The following COL11A1 variants were observed in gnomAD, a reference collection of about 807,000 sequenced individuals.
COL11A1 encodes the protein collagen type XI alpha 1 chain.
In COL11A1, 74 loss-of-function variants were observed where a neutral mutation model predicts 265.2. The ratio of observed to expected loss-of-function variants is 0.28; its 90% CI spans 0.23 to 0.34. The LOEUF is 0.34. Among genes scored for constraint, COL11A1 ranks in the 10% least tolerant of loss-of-function variants. The probability of loss-of-function intolerance (pLI) is 1.00; values close to 1 mark genes in which losing one functional copy is unlikely to be tolerated. For synonymous variants in COL11A1, 816 were observed against 727.6 expected (o/e 1.12, Z -1.96); for missense variants, 2,165 against 2,263.6 (o/e 0.96, Z 0.88).
At chr1:103,033,537 T>G (rs542390713) in intron 4 of COL11A1, among the ~76,000 whole-genome samples, 1 of 152,124 alleles carries the variant, frequency 6.6e-6, no homozygotes, top group Non-Finnish European at 1.5e-5. Context: ...GTAGCTATTA[T>G]TGTTGTATAA....
intron 4 of COL11A1, among the ~76,000 whole-genome samples, chr1:103,050,108 G>T (rs1233862049): frequency 6.6e-6 from 1 of 152,088 alleles, no homozygotes; most frequent in Non-Finnish European, 1.5e-5. Flanking sequence ...GACTATCTTT[G>T]TGAGGTTCTC....
chr1:103,034,860 A>C (rs1668243059), intron 4 of COL11A1, among the ~76,000 whole-genome samples: 2 of 151,880 alleles, frequency 1.3e-5, no homozygotes, highest in Non-Finnish European at 2.9e-5. Flanking sequence ...CGCCAGGCCT[A>C]CTGTTATTTT....
chr1:103,018,738 T>G, intron 10 of COL11A1, 80 bp downstream of exon 10: 1 of 1,114,176 alleles, frequency 9.0e-7, no homozygotes. Context: ...TAGTCTAAAA[T>G]GTTCTCATTC....
chr1:102,946,612 T>G (rs1178071489), intron 42 of COL11A1, among the ~76,000 whole-genome samples: 1 of 152,060 alleles, frequency 6.6e-6, no homozygotes, highest in Non-Finnish European at 1.5e-5. Flanking sequence ...GCCTTTTACA[T>G]TAATAATATC....
chr1:102,957,084 G>T (rs1003148026), intron 41 of COL11A1, among the ~76,000 whole-genome samples: 1 of 151,824 alleles, frequency 6.6e-6, no homozygotes, highest in Non-Finnish European at 1.5e-5. Flanking sequence ...TACAAATAAA[G>T]TTTCTCTAAA....
chr1:103,083,143 T>C (rs980117871), intron 1 of COL11A1, among the ~76,000 whole-genome samples, 171 bp from the exon 2 acceptor site: 3 of 152,002 alleles, frequency 2.0e-5, no homozygotes, highest in Non-Finnish European at 4.4e-5. Context: ...CAGGTAGTAA[T>C]ATAAACCATA....
intron 1 of COL11A1, among the ~76,000 whole-genome samples, chr1:103,103,454 A>C (rs1674445266): frequency 6.6e-6 from 1 of 152,014 alleles, no homozygotes; most frequent in Non-Finnish European, 1.5e-5. Flanking sequence ...TTCTACTTTG[A>C]TGTAATCTTA....
chr1:102,921,499 T>C lies in COL11A1; in HGVS notation c.3708+19A>G, dbSNP rs764966788. 12 of 1,589,356 alleles carry C rather than the reference T, an allele frequency of 7.6e-6. No individual in the cohort carries two copies. In the East Asian group the frequency reaches 2.2e-4, roughly 30 times the overall value. On this transcript the variant is annotated intron_variant, in intron 48 of 66. Coordinates refer to ENST00000370096, the MANE Select transcript of COL11A1 (RefSeq NM_001854.4). ...CTATATAACTTCAAAATAATTAACA[T>C]ATATTTCAGAGTTCTTACATCAGCT... is the stretch of plus-strand genomic sequence containing the variant.
intron 42 of COL11A1, among the ~76,000 whole-genome samples, chr1:102,944,738 A>G (rs948351764): frequency 3.3e-5 from 5 of 152,166 alleles, no homozygotes; most frequent in African/African-American, 1.2e-4. Context: ...ACCATTCAAT[A>G]TATTATCTTC....
At chr1:103,034,367 T>A (rs999770916) in intron 4 of COL11A1, among the ~76,000 whole-genome samples, 2 of 150,932 alleles carry the variant, frequency 1.3e-5, no homozygotes, top group African/African-American at 4.9e-5. Flanking sequence ...GGCTGTCAAC[T>A]TTTTTTAATG....
intron 4 of COL11A1, among the ~76,000 whole-genome samples, chr1:103,059,738 T>G (rs1670517776): frequency 6.6e-6 from 1 of 152,124 alleles, no homozygotes; most frequent in Non-Finnish European, 1.5e-5. Flanking sequence ...AAGCATACAT[T>G]TGATGGGCTC....
intron 33 of COL11A1, 65 bp from the exon 34 acceptor site, chr1:102,978,978 T>A (rs761601522): frequency 1.2e-4 from 188 of 1,609,778 alleles, no homozygotes; most frequent in Non-Finnish European, 1.5e-4. Context: ...ACTAAATCAA[T>A]TTTTATTTTT....
intron 48 of COL11A1, among the ~76,000 whole-genome samples, chr1:102,920,675 G>C (rs1655883587): frequency 6.6e-6 from 1 of 152,110 alleles, no homozygotes; most frequent in Non-Finnish European, 1.5e-5. Flanking sequence ...GTTTTAGGCG[G>C]TGATTTTGTA....
chr1:103,078,580 T>C, intron 3 of COL11A1, 78 bp downstream of exon 3: 1 of 1,375,488 alleles, frequency 7.3e-7, no homozygotes, highest in Non-Finnish European at 1.0e-6. Context: ...TTATCACACT[T>C]CATAAATATT....
At chr1:103,061,983 T>C (rs1311741124) in intron 4 of COL11A1, among the ~76,000 whole-genome samples, 2 of 151,920 alleles carry the variant, frequency 1.3e-5, no homozygotes, top group Non-Finnish European at 2.9e-5. Context: ...CAAATTATTA[T>C]TGGCAGGAAA....
chr1:102,999,459 T>G (rs191070716), intron 24 of COL11A1, among the ~76,000 whole-genome samples: 216 of 152,032 alleles, frequency 1.4e-3, no homozygotes, highest in African/African-American at 4.4e-3. Context: ...CAGAGAGTTA[T>G]GTAACATCAA....
intron 46 of COL11A1, among the ~76,000 whole-genome samples, chr1:102,933,698 A>G (rs950774593): frequency 3.5e-4 from 53 of 152,074 alleles, no homozygotes; most frequent in Middle Eastern, 3.4e-3. Context: ...CCTCGCTGCC[A>G]CCTTGCAGTT....
rs1180994816 is a variant in COL11A1 at position 102,965,506 on chromosome 1, C to T, written c.2897G>A (p.Gly966Glu). The change falls in exon 38 of 67, where the codon GGG (glycine) becomes GAG (glutamate). Residue 966 changes from glycine to glutamate, a missense_variant. By Grantham distance (98) the Gly-to-Glu change is moderately conservative. Transcript: ENST00000370096. ...ACATACCTGTGGTCCAACCACTCCC[C>T]CTGGCCCAGGAGGGCCGGTCTTGCC... Reference protein sequence around the residue: ...FQGKTGPPGPGGVVGPQGPTG... With the variant: ...FQGKTGPPGPEGVVGPQGPTG... 8 of 1,613,694 alleles carry T rather than the reference C, an allele frequency of 5.0e-6. No homozygotes were observed. The highest frequency in any genetic ancestry group is 6.8e-6 in the Non-Finnish European group (8 of 1,179,774).
At chr1:103,061,964 G>A (rs116260851) in intron 4 of COL11A1, among the ~76,000 whole-genome samples, 1,749 of 151,886 alleles carry the variant, frequency 0.012, 40 homozygotes, top group African/African-American at 0.04. Flanking sequence ...CTAAGTAAGA[G>A]ATAAGTTACA....
Sources: allele counts gnomAD v4.1 joint callset (sites outside exome capture counted in the v4.1 genomes callset), GRCh38; gene constraint gnomAD v4.1.1; transcripts MANE v1.5; gene names NCBI Gene and HGNC (gene_info 2026-07-23, HGNC 2026-07-21).